The following TMTC2 variants were observed in gnomAD, a reference collection of about 807,000 sequenced individuals.
The protein encoded by TMTC2 is transmembrane O-mannosyltransferase targeting cadherins 2.
A neutral mutation model predicts 82.4 loss-of-function variants in TMTC2; 43 were observed. The ratio of observed to expected loss-of-function variants is 0.52; its 90% CI spans 0.41 to 0.67. TMTC2 has a LOEUF of 0.67. TMTC2 is among the 30% of genes least tolerant of loss of function. The probability of loss-of-function intolerance (pLI) is 0.00; values close to 1 mark genes in which losing one functional copy is unlikely to be tolerated. For missense variants in TMTC2, 919 were observed against 1,012.4 expected (o/e 0.91, Z 1.25); for synonymous variants, 408 against 381.9 (o/e 1.07, Z -0.80).
At chr12:82,951,045 G>C (rs1877318906) in intron 4 of TMTC2, among the ~76,000 whole-genome samples, 1 of 152,184 alleles carries the variant, frequency 6.6e-6, no homozygotes. Context: ...TGTGTCAAAA[G>C]AAGGATACCA....
chr12:83,029,153 A>C (rs568574058), intron 8 of TMTC2, among the ~76,000 whole-genome samples: 1 of 152,126 alleles, frequency 6.6e-6, no homozygotes, highest in Non-Finnish European at 1.5e-5. Flanking sequence ...TTAATGACGG[A>C]ATGAACAAAA....
At chr12:83,093,166 G>A (rs2137522150) in intron 11 of TMTC2, among the ~76,000 whole-genome samples, 1 of 152,202 alleles carries the variant, frequency 6.6e-6, no homozygotes, top group East Asian at 1.9e-4. Context: ...TCCTCCCTTA[G>A]AAGCATGTGG....
intron 8 of TMTC2, among the ~76,000 whole-genome samples, chr12:82,993,019 C>G (rs1879462083): frequency 6.6e-6 from 1 of 152,036 alleles, no homozygotes; most frequent in Non-Finnish European, 1.5e-5. Flanking sequence ...GATTCTCACT[C>G]TGTCACCCAG....
chr12:82,875,154 A>G (rs1369538421), intron 2 of TMTC2, among the ~76,000 whole-genome samples: 1 of 152,146 alleles, frequency 6.6e-6, no homozygotes, highest in Non-Finnish European at 1.5e-5. Flanking sequence ...CTAAGAACTT[A>G]CTTGCTAAAC....
At chr12:82,696,257 AG>A (rs1284873520) in intron 1 of TMTC2, among the ~76,000 whole-genome samples, 1 of 152,230 alleles carries the variant, frequency 6.6e-6, no homozygotes, top group Non-Finnish European at 1.5e-5. Flanking sequence ...TATAGCTGAT[AG>A]GAAAAACTGG....
At chr12:83,036,671 T>C (rs879696009) in intron 9 of TMTC2, among the ~76,000 whole-genome samples, 23 of 152,296 alleles carry the variant, frequency 1.5e-4, no homozygotes, top group Non-Finnish European at 2.4e-4. Flanking sequence ...CTTTCTACTG[T>C]TATTATTATA....
intron 1 of TMTC2, among the ~76,000 whole-genome samples, chr12:82,693,721 G>A (rs983809205): frequency 2.0e-5 from 3 of 148,890 alleles, no homozygotes; most frequent in African/African-American, 7.4e-5. Flanking sequence ...TGTAATCCTA[G>A]CACTTTGGGA....
chr12:83,114,472 G>T (rs1884693954), intron 11 of TMTC2, among the ~76,000 whole-genome samples: 1 of 152,140 alleles, frequency 6.6e-6, no homozygotes, highest in Non-Finnish European at 1.5e-5. Flanking sequence ...ACAGCAGCCT[G>T]AACTGACTGG....
chr12:82,788,599 T>G (rs536392115), intron 1 of TMTC2, among the ~76,000 whole-genome samples: 1 of 152,244 alleles, frequency 6.6e-6, no homozygotes, highest in African/African-American at 2.4e-5. Flanking sequence ...CCTAGAAGGA[T>G]AAGAAAAAAC....
intron 8 of TMTC2, among the ~76,000 whole-genome samples, chr12:82,991,670 T>C (rs1185649866): frequency 6.6e-6 from 1 of 152,150 alleles, no homozygotes; most frequent in African/African-American, 2.4e-5. Context: ...ACAAGATGAG[T>C]TTGAATTGCT....
intron 1 of TMTC2, among the ~76,000 whole-genome samples, chr12:82,831,347 C>G (rs1349833897): frequency 6.6e-6 from 1 of 152,092 alleles, no homozygotes; most frequent in Non-Finnish European, 1.5e-5. Flanking sequence ...AGCAGGTCAC[C>G]CAAAATGGGA....
chr12:82,974,118 C>T (rs946107418), intron 7 of TMTC2, among the ~76,000 whole-genome samples: 1 of 152,074 alleles, frequency 6.6e-6, no homozygotes, highest in African/African-American at 2.4e-5. Flanking sequence ...CCTGTAATCC[C>T]AGCACCATGG....
intron 1 of TMTC2, among the ~76,000 whole-genome samples, chr12:82,739,219 G>GTGAT (rs1875276178): frequency 6.6e-6 from 1 of 151,814 alleles, no homozygotes; most frequent in South Asian, 2.1e-4. Flanking sequence ...GAATATGGCA[G>GTGAT]TGATTGTAAA....
At chr12:82,973,387 G>A (rs987737601) in intron 7 of TMTC2, among the ~76,000 whole-genome samples, 3 of 151,950 alleles carry the variant, frequency 2.0e-5, no homozygotes, top group African/African-American at 2.4e-5. Context: ...TATAGAGTTC[G>A]CCAGTCCAGA....
intron 1 of TMTC2, among the ~76,000 whole-genome samples, chr12:82,688,259 T>C (rs1872424777): frequency 3.9e-5 from 6 of 152,224 alleles, no homozygotes; most frequent in Admixed American, 3.9e-4. Context: ...CCTAGCCTCC[T>C]TCACCAATCC....
intron 1 of TMTC2, among the ~76,000 whole-genome samples, chr12:82,806,608 T>C (rs1294838881): frequency 6.6e-6 from 1 of 152,178 alleles, no homozygotes. Context: ...CTATACGCCT[T>C]ACCAATAAGT....
intron 8 of TMTC2, among the ~76,000 whole-genome samples, chr12:83,009,169 T>C (rs544594090): frequency 6.6e-6 from 1 of 152,270 alleles, no homozygotes; most frequent in African/African-American, 2.4e-5. Flanking sequence ...GTAACATCTT[T>C]TACCCTGGAG....
At chr12:82,966,562 A>G (rs145127127) in intron 6 of TMTC2, among the ~76,000 whole-genome samples, 159 of 152,304 alleles carry the variant, frequency 1.0e-3, no homozygotes, top group African/African-American at 3.8e-3. Flanking sequence ...CCTGACTTAA[A>G]GTAATTATGC....
At chr12:82,739,219 G>A (rs1875275894) in intron 1 of TMTC2, among the ~76,000 whole-genome samples, 1 of 151,814 alleles carries the variant, frequency 6.6e-6, no homozygotes, top group African/African-American at 2.4e-5. Context: ...GAATATGGCA[G>A]TGATTGTAAA....
Sources: allele counts gnomAD v4.1 joint callset (sites outside exome capture counted in the v4.1 genomes callset), GRCh38; gene constraint gnomAD v4.1.1; transcripts MANE v1.5; gene names NCBI Gene and HGNC (gene_info 2026-07-23, HGNC 2026-07-21).